RNF217: variants seen among roughly 807,000 people sequenced by gnomAD.
RNF217 encodes E3 ubiquitin-protein ligase RNF217.
In RNF217, 31 loss-of-function variants were observed where a neutral mutation model predicts 57.8. That is an observed-to-expected ratio of 0.54 (90% CI 0.40 to 0.72). The LOEUF is 0.72. Among genes scored for constraint, RNF217 ranks in the 30% least tolerant of loss-of-function variants. The pLI is 0.00. For synonymous variants in RNF217, 313 were observed against 294.0 expected (o/e 1.06, Z -0.66); for missense variants, 696 against 708.3 (o/e 0.98, Z 0.20).
At chr6:125,045,716 G>A (rs1466944111) in intron 2 of RNF217, among the ~76,000 whole-genome samples, 2 of 151,900 alleles carry the variant, frequency 1.3e-5, no homozygotes, top group Admixed American at 1.3e-4. Flanking sequence ...AGTAATAATA[G>A]TTACTACTAC....
At chr6:124,980,729 G>T (rs937873047) in intron 1 of RNF217, among the ~76,000 whole-genome samples, 2 of 152,084 alleles carry the variant, frequency 1.3e-5, no homozygotes, top group East Asian at 3.9e-4. Flanking sequence ...CTTAAACAAA[G>T]ATTTTTTGTT....
At chr6:125,027,176 A>T (rs1786132954) in intron 1 of RNF217, among the ~76,000 whole-genome samples, 2 of 152,134 alleles carry the variant, frequency 1.3e-5, no homozygotes, top group African/African-American at 4.8e-5. Context: ...ACATTAAGTT[A>T]TTTTAAAATA....
chr6:125,019,714 CTCTG>C (rs1453032151), intron 1 of RNF217, among the ~76,000 whole-genome samples: 7 of 151,936 alleles, frequency 4.6e-5, no homozygotes, highest in Non-Finnish European at 7.4e-5. Context: ...GTCTGGTGCC[CTCTG>C]TCTTTCTCCA....
chr6:125,002,934 A>C (rs773814013), intron 1 of RNF217, among the ~76,000 whole-genome samples: 20 of 152,342 alleles, frequency 1.3e-4, no homozygotes, highest in Admixed American at 3.3e-4. Flanking sequence ...CATGTAAATC[A>C]GAGCAACCAG....
chr6:125,060,290 T>A (rs1486370066), intron 3 of RNF217, among the ~76,000 whole-genome samples: 1 of 152,088 alleles, frequency 6.6e-6, no homozygotes, highest in Non-Finnish European at 1.5e-5. Flanking sequence ...CATATTTTCA[T>A]ATAAATGCTT....
intron 1 of RNF217, among the ~76,000 whole-genome samples, chr6:124,998,158 A>G (rs1466560119): frequency 6.6e-6 from 1 of 152,166 alleles, no homozygotes; most frequent in Non-Finnish European, 1.5e-5. Context: ...TCATTCTCCC[A>G]GTCACGTAGC....
At chr6:125,003,542 C>T (rs1289589314) in intron 1 of RNF217, among the ~76,000 whole-genome samples, 2 of 152,208 alleles carry the variant, frequency 1.3e-5, no homozygotes, top group East Asian at 3.9e-4. Context: ...ATTCACTGCA[C>T]AGTATGGTGA....
At chr6:125,072,092 G>A (rs1192615094) in intron 3 of RNF217, among the ~76,000 whole-genome samples, 3 of 152,142 alleles carry the variant, frequency 2.0e-5, no homozygotes, top group Non-Finnish European at 4.4e-5. Context: ...ACTGATAAAG[G>A]TGTACTTGGG....
rs925034683 is a variant in RNF217, at chr6:125,087,118, C to G, written c.*4181C>G. 6 of 152,100 alleles carry G rather than the reference C, an allele frequency of 3.9e-5. No individual in the cohort carries two copies. Among genetic ancestry groups the G allele is most frequent in the African/African-American group, 1.4e-4 (6 of 41,432 alleles). 9.4% of individuals were successfully genotyped at this position (152,100 alleles called of 1,614,324 possible). A position where few individuals can be genotyped will look rare whatever the true frequency, so the allele number is the denominator to read the frequency against. On this transcript the variant is annotated 3_prime_UTR_variant, in exon 6 of 6. Coordinates refer to ENST00000521654, the MANE Select transcript of RNF217 (RefSeq NM_001286398.3). ...ATGTGGGAAACATTAGAATTCCTTC[C>G]TGACCTTTGTCAAATGAGGGCACAT... is the stretch of plus-strand genomic sequence containing the variant.
chr6:125,006,616 A>C (rs1419306376), intron 1 of RNF217, among the ~76,000 whole-genome samples: 1 of 152,228 alleles, frequency 6.6e-6, no homozygotes, highest in Non-Finnish European at 1.5e-5. Flanking sequence ...ATCAGTGGAC[A>C]TTAAAAATTA....
At chr6:125,081,579 AT>A in intron 5 of RNF217, 72 bp downstream of exon 5, 1 of 1,186,856 alleles carries the variant, frequency 8.4e-7, no homozygotes, top group East Asian at 2.4e-5. Context: ...TGTAAATGTA[AT>A]AATATGAATC....
intron 4 of RNF217, among the ~76,000 whole-genome samples, chr6:125,080,323 A>T (rs1040296582): frequency 5.3e-5 from 8 of 152,158 alleles, no homozygotes; most frequent in African/African-American, 1.9e-4. Context: ...TTTAAATTAG[A>T]TATTTAAAAC....
At chr6:125,001,881 C>G (rs773551724) in intron 1 of RNF217, among the ~76,000 whole-genome samples, 6 of 152,030 alleles carry the variant, frequency 3.9e-5, no homozygotes, top group Non-Finnish European at 5.9e-5. Flanking sequence ...ACAAATGTTA[C>G]TCCCATCAAT....
chr6:125,020,987 A>G (rs994745394), intron 1 of RNF217, among the ~76,000 whole-genome samples: 3 of 152,156 alleles, frequency 2.0e-5, no homozygotes, highest in African/African-American at 7.2e-5. Context: ...AATTACTATC[A>G]TGGAACGTAA....
chr6:125,087,106 T>G lies in RNF217; in HGVS notation c.*4169T>G, dbSNP rs931617694. 8.5e-5 allele frequency: 13 copies of G among 152,082 alleles called. No individual in the cohort carries two copies. Among genetic ancestry groups the G allele is most frequent in the African/African-American group, 3.1e-4 (13 of 41,416 alleles). The allele number at this position is 152,082 out of a possible 1,614,324, so 9.4% of individuals were successfully genotyped here. On this transcript the variant is annotated 3_prime_UTR_variant, in exon 6 of 6. Coordinates refer to ENST00000521654, the MANE Select transcript of RNF217 (RefSeq NM_001286398.3). ...ACTCACTCTGGTATGTGGGAAACAT[T>G]AGAATTCCTTCCTGACCTTTGTCAA...
intron 3 of RNF217, among the ~76,000 whole-genome samples, chr6:125,065,290 C>CAA (rs1192938088): frequency 0.049 from 3,114 of 63,616 alleles, 241 homozygotes; most frequent in African/African-American, 0.16. Flanking sequence ...GACTCTGTCT[C>CAA]AAAAAAAAAA....
chr6:125,040,820 A>C (rs1786851481), intron 1 of RNF217, among the ~76,000 whole-genome samples: 1 of 152,200 alleles, frequency 6.6e-6, no homozygotes, highest in Non-Finnish European at 1.5e-5. Flanking sequence ...AATCATAATC[A>C]CATAAACAGA....
At chr6:125,042,947 C>T (rs1384453747) in intron 1 of RNF217, among the ~76,000 whole-genome samples, 5 of 152,070 alleles carry the variant, frequency 3.3e-5, no homozygotes, top group South Asian at 2.1e-4. Context: ...AAGTGCCTCT[C>T]GAGGTGGCCC....
chr6:124,972,307 C>CCTCTCTCAGGCCTCTACCATTTCT, intron 1 of RNF217, among the ~76,000 whole-genome samples: 1 of 151,796 alleles, frequency 6.6e-6, no homozygotes, highest in East Asian at 1.9e-4. Context: ...CTGTCATTTC[C>CCTCTCTCAGGCCTCTACCATTTCT]CTCTCTCAGG....
Sources: allele counts gnomAD v4.1 joint callset (sites outside exome capture counted in the v4.1 genomes callset), GRCh38; gene constraint gnomAD v4.1.1; transcripts MANE v1.5; gene names NCBI Gene and HGNC (gene_info 2026-07-23, HGNC 2026-07-21).